DNAJC17: variants seen among roughly 807,000 people sequenced by gnomAD.
DNAJC17 encodes DnaJ heat shock protein family (Hsp40) member C17.
In DNAJC17, 35 loss-of-function variants were observed where a neutral mutation model predicts 48.1. The observed-to-expected ratio is 0.73, with a 90% CI of 0.56 to 0.96. The LOEUF (loss-of-function observed/expected upper bound fraction) is 0.96, where lower values mean the gene tolerates loss of function less well. Among genes scored for constraint, DNAJC17 ranks in the 50% least tolerant of loss-of-function variants. The pLI is 0.00. For missense variants in DNAJC17, 355 were observed against 377.1 expected (o/e 0.94, Z 0.48); for synonymous variants, 117 against 142.7 (o/e 0.82, Z 1.28).
chr15:40,772,886 C>T (rs966629949), intron 10 of DNAJC17, among the ~76,000 whole-genome samples: 9 of 152,024 alleles, frequency 5.9e-5, no homozygotes, highest in Non-Finnish European at 7.3e-5. Context: ...GGAAGGTCTA[C>T]GCTTCACCCA....
chr15:40,771,460 G>A (rs1175141976), intron 10 of DNAJC17: 3 of 196,116 alleles, frequency 1.5e-5, no homozygotes, highest in Admixed American at 5.3e-5. Flanking sequence ...AGCCTCTTTG[G>A]AAGCCACTGT....
In DNAJC17 at chr15:40,767,747, T is replaced by C; in HGVS notation, c.*193A>G. The C allele has an allele frequency of 1.3e-6, 1 of 751,144 alleles. No homozygotes were observed. The highest frequency in any genetic ancestry group is 1.9e-5 in the South Asian group (1 of 51,582). The allele number at this position is 751,144 out of a possible 1,614,324, so 46.5% of individuals were successfully genotyped here. On this transcript the variant is annotated 3_prime_UTR_variant, in exon 11 of 11. Transcript: ENST00000220496. ...TCTGCTTGTGCACGGACTCTGGGAC[T>C]CTCACCCTGCGGAGCGTTTCCCTGG...
chr15:40,775,067 G>A lies in DNAJC17; in HGVS notation c.564C>T (p.Gly188=). ...KCKKEDESKG[G]YSKDVLLRLL... is the part of the protein sequence containing the mutation. Reference sequence around the variant, plus strand: ...GCCGTAGGAGGACGTCTTTGGAGTAGCCACCTTTTGACTCATCCTCCTTCT... The same window carrying A: ...GCCGTAGGAGGACGTCTTTGGAGTAACCACCTTTTGACTCATCCTCCTTCT... The change falls in exon 8 of 11, where the codon GGC becomes GGT. Residue 188 remains glycine, a synonymous_variant. Coordinates refer to ENST00000220496, the MANE Select transcript of DNAJC17 (RefSeq NM_018163.3). The A allele has an allele frequency of 1.2e-6, 2 of 1,614,210 alleles. No individual in the cohort carries two copies. The highest frequency in any genetic ancestry group is 2.2e-5 in the East Asian group (1 of 44,886).
At position 40,776,499 on chromosome 15, in the gene DNAJC17, C is replaced by G. The variant is rs769435879; in HGVS notation, c.381+43G>C. 3.1e-6 allele frequency: 5 copies of G among 1,604,440 alleles called. No homozygotes were observed. The South Asian group carries it at 5.5e-5, about 18-fold the overall frequency. On this transcript the variant is annotated intron_variant, in intron 5 of 10. Coordinates refer to ENST00000220496, the MANE Select transcript of DNAJC17 (RefSeq NM_018163.3). ...CCAGGTCCATCCTCCCCCACCTCCTCCTCCTGCAGGTGGCCTTCTGGCCAG... is the reference window on the plus strand; with the variant it reads ...CCAGGTCCATCCTCCCCCACCTCCTGCTCCTGCAGGTGGCCTTCTGGCCAG...
intron 1 of DNAJC17, among the ~76,000 whole-genome samples, chr15:40,793,742 C>T (rs1889872892): frequency 6.6e-6 from 1 of 151,892 alleles, no homozygotes. Context: ...AGTGAGCGCT[C>T]ACTCTATGCC....
Position 40,769,573 on chromosome 15 carries a change from C to G in DNAJC17, c.793-1511G>C, listed in dbSNP as rs920275314. 6.6e-5 allele frequency among the ~76,000 whole-genome samples: 10 copies of G among 152,268 alleles called. No homozygotes were observed. Among genetic ancestry groups the G allele is most frequent in the Non-Finnish European group, 7.3e-5 (5 of 68,040 alleles). On this transcript the variant is annotated intron_variant, in intron 10 of 10. Transcript: ENST00000220496. This position sits in a 1 kb window ranked among gnomAD's most constrained non-coding sequence, Gnocchi z 4.2. ...TCCCCATTAACACACCCTCTGCCCC[C>G]CTTCCTGTTCCTGCTCGTGAGGGCC...
chr15:40,774,213 C>A (rs1480454645), intron 9 of DNAJC17, 143 bp downstream of exon 9: 4 of 917,104 alleles, frequency 4.4e-6, no homozygotes, highest in Admixed American at 2.2e-5. Context: ...GAGTCAGGGG[C>A]CCCTGGGAAG....
chr15:40,805,493 G>A (rs1433215986), intron 1 of DNAJC17, among the ~76,000 whole-genome samples: 4 of 152,168 alleles, frequency 2.6e-5, no homozygotes, highest in African/African-American at 9.6e-5. Flanking sequence ...GTTGCAGTAA[G>A]CTGAGATTGC....
intron 1 of DNAJC17, among the ~76,000 whole-genome samples, chr15:40,796,239 C>G (rs1301037323): frequency 1.3e-5 from 2 of 152,294 alleles, no homozygotes; most frequent in Middle Eastern, 3.4e-3. Context: ...GTAAACAAAA[C>G]AGAGGAAGTC....
At chr15:40,780,465 A>G in intron 1 of DNAJC17, 1 of 392,950 alleles carries the variant, frequency 2.5e-6, no homozygotes, top group Non-Finnish European at 5.1e-6. Flanking sequence ...GATGCTCTCT[A>G]CAACACTGTT....
At chr15:40,768,915 G>A (rs894434387) in intron 10 of DNAJC17, among the ~76,000 whole-genome samples, 2 of 152,266 alleles carry the variant, frequency 1.3e-5, no homozygotes, top group Admixed American at 6.5e-5. Flanking sequence ...TGCAAGATGC[G>A]GTGGCCTGCC....
intron 1 of DNAJC17, among the ~76,000 whole-genome samples, chr15:40,786,543 T>G (rs747632245): frequency 6.6e-6 from 1 of 152,222 alleles, no homozygotes; most frequent in Non-Finnish European, 1.5e-5. Context: ...CTGGGATCAC[T>G]GAGGCAGAGC....
rs1889435840 is a variant in DNAJC17 at position 40,779,939 on chromosome 15, T to G, written c.137A>C (p.Asn46Thr). ...GAGAAGAGTCTCACCTGCTCTGGGA[T>G]TATCTGGATTTTTGTCTGGGTGGCA... is the stretch of plus-strand genomic sequence containing the variant. The part of the protein sequence containing the change: ...LSCHPDKNPD[N>T]PRAAELFHQL... The change falls in exon 2 of 11, where the codon AAT becomes ACT. Residue 46 changes from asparagine (N) to threonine (T), a missense_variant. This residue lies in a region of DNAJC17 where 199 missense variants were observed against 199.9 expected (regional missense o/e 1.00). Transcript: ENST00000220496. 1.2e-6 allele frequency: 2 copies of G among 1,613,892 alleles called. No homozygotes were observed. The highest frequency in any genetic ancestry group is 3.3e-5 in the Admixed American group (2 of 59,988).
At position 40,788,463 on chromosome 15, in the gene DNAJC17, G is replaced by A. The variant is rs550009233; in HGVS notation, c.79-8466C>T. Among the ~76,000 whole-genome samples the A allele has an allele frequency of 5.7e-3, 864 of 152,300 alleles. 3 individuals carry two copies. Among genetic ancestry groups the A allele is most frequent in the Non-Finnish European group, 9.3e-3 (631 of 68,018 alleles). ...TGTAATCCCAGCACTTTGGGAGGCC[G>A]AGGTGGGTGGATCATGAGGTCAGGA... On this transcript the variant is annotated intron_variant, in intron 1 of 10. Transcript: ENST00000220496.
intron 1 of DNAJC17, among the ~76,000 whole-genome samples, chr15:40,793,212 G>A (rs982423276): frequency 3.3e-5 from 5 of 152,030 alleles, no homozygotes; most frequent in African/African-American, 1.2e-4. Context: ...CCTTCTAACT[G>A]CTGCAATATA....
intron 1 of DNAJC17, among the ~76,000 whole-genome samples, chr15:40,790,636 G>A (rs1889775016): frequency 2.6e-5 from 4 of 152,072 alleles, no homozygotes; most frequent in Admixed American, 2.6e-4. Context: ...CTTATGCTGG[G>A]CGAATCACTT....
intron 2 of DNAJC17, 122 bp downstream of exon 2, chr15:40,779,806 T>C (rs967826741): frequency 4.8e-6 from 6 of 1,240,666 alleles, no homozygotes; most frequent in African/African-American, 3.0e-5. Context: ...CTGGGACCCA[T>C]TGCCTGGAGC....
In DNAJC17 at chr15:40,807,378, C is replaced by G; in HGVS notation, c.69G>C (p.Ala23=). 1 of 1,614,256 alleles carries G rather than the reference C, an allele frequency of 6.2e-7. No individual in the cohort carries two copies. The highest frequency in any genetic ancestry group is 1.1e-5 in the South Asian group (1 of 91,092). ...TCGCCACCGTTCTCACCTCTTTGTCCGCTGCCTTCTCCTCAATGCCTAGCA... is the reference window on the plus strand; with the variant it reads ...TCGCCACCGTTCTCACCTCTTTGTCGGCTGCCTTCTCCTCAATGCCTAGCA... ...YALLGIEEKA[A]DKEVKKAYRQ... The change falls in exon 1 of 11, where the codon GCG becomes GCC. Residue 23 remains alanine, a synonymous_variant. Coordinates refer to ENST00000220496, the MANE Select transcript of DNAJC17 (RefSeq NM_018163.3).
At chr15:40,774,904 T>C (rs1889274252) in intron 8 of DNAJC17, 127 bp downstream of exon 8, 2 of 967,646 alleles carry the variant, frequency 2.1e-6, no homozygotes, top group African/African-American at 3.4e-5. Flanking sequence ...TCCCATGGTC[T>C]ATGAGACAGA....
Sources: allele counts gnomAD v4.1 joint callset (sites outside exome capture counted in the v4.1 genomes callset), GRCh38; gene constraint gnomAD v4.1.1; regional missense constraint gnomAD v4.1.1; non-coding constraint Gnocchi (gnomAD v3.1); transcripts MANE v1.5; gene names NCBI Gene and HGNC (gene_info 2026-07-23, HGNC 2026-07-21).